Variants in IGSF10 observed in about 807,000 individuals in gnomAD.
IGSF10 encodes immunoglobulin superfamily member 10.
A neutral mutation model predicts 128.2 loss-of-function variants in IGSF10; 126 were observed. The ratio of observed to expected loss-of-function variants is 0.98; its 90% CI spans 0.85 to 1.14. The LOEUF (loss-of-function observed/expected upper bound fraction) is 1.14. Ranked by LOEUF, IGSF10 falls within the 50% of genes most tolerant of loss-of-function variation. The probability of loss-of-function intolerance (pLI) is 0.00; values close to 1 mark genes in which losing one functional copy is unlikely to be tolerated. For missense variants in IGSF10, 3,295 were observed against 3,149.8 expected (o/e 1.05, Z -1.10); for synonymous variants, 1,185 against 1,146.2 (o/e 1.03, Z -0.68).
the IGSF10 span, among the ~76,000 whole-genome samples, chr3:151,599,724 T>C: frequency 1.3e-5 from 2 of 152,226 alleles, no homozygotes; most frequent in African/African-American, 4.8e-5. Context: ...ATTTTAAATT[T>C]TGTCAATTAA....
At chr3:151,440,624 A>G in intron 7 of IGSF10, 2 of 456,770 alleles carry the variant, frequency 4.4e-6, no homozygotes, top group South Asian at 1.5e-5. Context: ...ACCATGCTAT[A>G]CTGGCATTCT....
chr3:151,539,866 T>C, the IGSF10 span, among the ~76,000 whole-genome samples: 1 of 152,144 alleles, frequency 6.6e-6, no homozygotes, highest in Non-Finnish European at 1.5e-5. Flanking sequence ...CATCTCTGTG[T>C]GTGTCTGTCA....
the IGSF10 span, among the ~76,000 whole-genome samples, chr3:151,582,748 C>T: frequency 1.3e-5 from 2 of 152,094 alleles, no homozygotes; most frequent in Admixed American, 6.6e-5. Context: ...ATATCTTAAA[C>T]AGAATAGGAC....
At chr3:151,469,869 T>G in the IGSF10 span, among the ~76,000 whole-genome samples, 2 of 152,330 alleles carry the variant, frequency 1.3e-5, no homozygotes, top group Non-Finnish European at 1.5e-5. Flanking sequence ...GGTTGAAGAT[T>G]TGTTCAAGAT....
chr3:151,447,495 G>T lies in IGSF10; in HGVS notation c.2486C>A (p.Ser829Tyr), dbSNP rs370804231. The T allele has an allele frequency of 6.2e-7, 1 of 1,614,004 alleles. No individual in the cohort carries two copies. The highest frequency in any genetic ancestry group is 1.3e-5 in the African/African-American group (1 of 74,908). Residue 829 changes from serine to tyrosine, a missense_variant, in exon 6 of 8, where the codon TCT becomes TAT. Coordinates refer to ENST00000282466, the MANE Select transcript of IGSF10 (RefSeq NM_178822.5). ...RTVTADSRTI[S>Y]DSPMTNINYG... The stretch of plus-strand genomic sequence containing the variant: ...ATTTATGTTTGTCATAGGACTATCA[G>T]ATATTGTTCTGGAGTCAGCAGTCAC...
the IGSF10 span, among the ~76,000 whole-genome samples, chr3:151,489,340 A>T: frequency 5.9e-5 from 9 of 152,208 alleles, no homozygotes; most frequent in African/African-American, 2.2e-4. Context: ...GCTGGAGAGG[A>T]TGTGAAGAAA....
the IGSF10 span, among the ~76,000 whole-genome samples, chr3:151,492,504 G>A: frequency 6.6e-6 from 1 of 152,148 alleles, no homozygotes; most frequent in African/African-American, 2.4e-5. Context: ...GGGGACTGTG[G>A]TGGGAGGATC....
chr3:151,618,496 C>T, the IGSF10 span, among the ~76,000 whole-genome samples: 37 of 151,950 alleles, frequency 2.4e-4, no homozygotes, highest in South Asian at 4.1e-3. Context: ...TTTGGGAGGC[C>T]GAGGCGGGTG....
At chr3:151,479,134 GAGTTGAAAGAGCTAA>G in the IGSF10 span, among the ~76,000 whole-genome samples, 10 of 152,134 alleles carry the variant, frequency 6.6e-5, no homozygotes, top group Non-Finnish European at 1.0e-4. Context: ...CCAGTTGTAG[GAGTTGAAAGAGCTAA>G]AGTTGAAAGA....
At chr3:151,617,042 T>C in the IGSF10 span, among the ~76,000 whole-genome samples, 1 of 151,988 alleles carries the variant, frequency 6.6e-6, no homozygotes, top group Non-Finnish European at 1.5e-5. Flanking sequence ...GGAAATGGAG[T>C]CAAAGGAGAT....
At chr3:151,556,963 G>A in the IGSF10 span, among the ~76,000 whole-genome samples, 12 of 152,098 alleles carry the variant, frequency 7.9e-5, no homozygotes, top group South Asian at 4.1e-4. Context: ...TGGGAATTTC[G>A]GTTTGTGAGG....
the IGSF10 span, among the ~76,000 whole-genome samples, chr3:151,611,447 T>C: frequency 4.6e-5 from 7 of 152,310 alleles, no homozygotes; most frequent in East Asian, 1.3e-3. Context: ...AGTATCTTGA[T>C]TCATTGACCT....
At position 151,437,736 on chromosome 3, in the gene IGSF10, CATG is replaced by C. The variant is rs750821189; in HGVS notation, c.6822_6824del (p.Ile2274del). On this transcript the variant is annotated inframe_deletion, in exon 8 of 8. Transcript: ENST00000282466. ...GGGCTGTGAGGAAAATATTGTCTGG[CATG>C]ATCCACATGACTTCAGGAGATGGTG... 6.2e-7 allele frequency: 1 copy of C among 1,614,020 alleles called. No homozygotes were observed. The highest frequency in any genetic ancestry group is 8.5e-7 in the Non-Finnish European group (1 of 1,179,996).
chr3:151,575,762 C>A, the IGSF10 span, among the ~76,000 whole-genome samples: 1 of 152,170 alleles, frequency 6.6e-6, no homozygotes, highest in African/African-American at 2.4e-5. Flanking sequence ...TGAGATGAAC[C>A]AGGTACCTCA....
the IGSF10 span, among the ~76,000 whole-genome samples, chr3:151,553,323 A>G: frequency 4.6e-5 from 7 of 152,266 alleles, no homozygotes; most frequent in Admixed American, 3.3e-4. Context: ...CTGCATTCTA[A>G]TGAAGCTAAT....
At chr3:151,506,422 G>A in the IGSF10 span, among the ~76,000 whole-genome samples, 1 of 152,050 alleles carries the variant, frequency 6.6e-6, no homozygotes, top group Admixed American at 6.5e-5. Context: ...ACACCTTTCT[G>A]GATTTTAATT....
At position 151,448,298 on chromosome 3, in the gene IGSF10, AAT is replaced by A. The variant is rs747388616; in HGVS notation, c.1681_1682del (p.Ile561SerfsTer4). The A allele has an allele frequency of 1.4e-5, 22 of 1,614,128 alleles. No individual in the cohort carries two copies. Among genetic ancestry groups the A allele is most frequent in the Non-Finnish European group, 2.5e-6 (3 of 1,180,052 alleles). ...CTACCACAGTTATCCTATAGGTGAG[AAT>A]ATCTGCATCATCATAATTGCTGCTT... ...CISSNYDDADILTYRITVVEP... is the reference protein window; with the variant it reads ...CISSNYDDADXLTYRITVVEP... On this transcript the variant is annotated frameshift_variant, in exon 6 of 8. Coordinates refer to ENST00000282466, the MANE Select transcript of IGSF10 (RefSeq NM_178822.5). LOFTEE classifies it high-confidence loss of function.
chr3:151,537,645 G>A, the IGSF10 span, among the ~76,000 whole-genome samples: 7 of 152,160 alleles, frequency 4.6e-5, no homozygotes, highest in Admixed American at 1.3e-4. Context: ...AAGTTAGTCT[G>A]TAATGGCCTG....
chr3:151,446,263 G>T lies in IGSF10; in HGVS notation c.3718C>A (p.Pro1240Thr). 1.2e-6 allele frequency: 2 copies of T among 1,614,000 alleles called. No individual in the cohort carries two copies. The highest frequency in any genetic ancestry group is 1.7e-6 in the Non-Finnish European group (2 of 1,179,860). The part of the protein sequence containing the change: ...STAVMLPKTS[P>T]ALPRDKVSPF... ...GAGACTTTGTCTCTGGGTAAAGCAG[G>T]AGATGTTTTAGGAAGCATCACAGCT... Residue 1240 changes from proline to threonine, a missense_variant, in exon 6 of 8, where the codon CCT becomes ACT. Transcript: ENST00000282466.
Sources: gnomAD v4.1 joint callset for allele counts (sites outside exome capture counted in the v4.1 genomes callset) on GRCh38, gnomAD v4.1.1 for gene constraint, MANE v1.5 for transcripts, NCBI Gene and HGNC (gene_info 2026-07-23, HGNC 2026-07-21) for gene names.